LPP: variants seen among roughly 807,000 people sequenced by gnomAD.
The protein encoded by LPP is lipoma-preferred partner.
LPP carries 38 observed loss-of-function variants against 60.4 expected under a neutral mutation model. The observed-to-expected ratio is 0.63, with a 90% confidence interval of 0.49 to 0.83. The LOEUF (loss-of-function observed/expected upper bound fraction) is 0.83, where lower values mean the gene tolerates loss of function less well. Ranked by LOEUF, LPP falls within the 40% of genes least tolerant of loss-of-function variation. The pLI is 0.00. For synonymous variants in LPP, 328 were observed against 290.8 expected, an observed-to-expected ratio of 1.13 and a Z score of -1.30; for missense variants, 902 against 783.6, an observed-to-expected ratio of 1.15 and a Z score of -1.80.
chr3:188,213,975 C>CACACACAT (rs1457519469), intron 1 of LPP, among the ~76,000 whole-genome samples: 7 of 151,068 alleles, frequency 4.6e-5, no homozygotes, highest in Non-Finnish European at 1.0e-4. Flanking sequence ...CACACACACA[C>CACACACAT]ACACACACAC....
chr3:188,515,983 A>G (rs1579548149), intron 5 of LPP, among the ~76,000 whole-genome samples: 1 of 152,236 alleles, frequency 6.6e-6, no homozygotes, highest in Non-Finnish European at 1.5e-5. Context: ...TTTACACTGC[A>G]TACTACTTAG....
chr3:188,753,803 A>G (rs1729036620), intron 8 of LPP, among the ~76,000 whole-genome samples: 1 of 151,922 alleles, frequency 6.6e-6, no homozygotes, highest in Admixed American at 6.6e-5. Flanking sequence ...ATGTATTTGT[A>G]GAGGGAAAAA....
At chr3:188,393,106 A>G (rs544345107) in intron 3 of LPP, among the ~76,000 whole-genome samples, 30 of 151,890 alleles carry the variant, frequency 2.0e-4, no homozygotes, top group African/African-American at 7.0e-4. Flanking sequence ...TATATATTAT[A>G]AAATCACTGA....
chr3:188,462,079 T>A (rs142995472), intron 4 of LPP, among the ~76,000 whole-genome samples: 1 of 152,178 alleles, frequency 6.6e-6, no homozygotes, highest in South Asian at 2.1e-4. Flanking sequence ...GTGCTAATTT[T>A]ATGAGAATGG....
chr3:188,570,115 A>G (rs182731731), intron 6 of LPP, among the ~76,000 whole-genome samples: 223 of 151,648 alleles, frequency 1.5e-3, no homozygotes, highest in African/African-American at 5.1e-3. Context: ...TAACTTCTGC[A>G]TGCAATTAGT....
At chr3:188,482,212 G>A (rs1437473843) in intron 4 of LPP, among the ~76,000 whole-genome samples, 1 of 152,158 alleles carries the variant, frequency 6.6e-6, no homozygotes, top group East Asian at 1.9e-4. Context: ...CAAGGCTGCA[G>A]AACTGTGAGT....
chr3:188,329,125 A>T (rs766491184), intron 2 of LPP, among the ~76,000 whole-genome samples: 9 of 151,950 alleles, frequency 5.9e-5, no homozygotes, highest in Non-Finnish European at 1.2e-4. Context: ...GGTCTAAGGG[A>T]CTCCTACACA....
chr3:188,741,978 G>C (rs547609922), intron 8 of LPP, among the ~76,000 whole-genome samples: 2 of 152,116 alleles, frequency 1.3e-5, no homozygotes, highest in East Asian at 1.9e-4. Flanking sequence ...ACAGGCAACA[G>C]ATTTGAAAAT....
intron 7 of LPP, among the ~76,000 whole-genome samples, chr3:188,656,252 C>A (rs573542922): frequency 2.4e-4 from 36 of 151,540 alleles, no homozygotes; most frequent in Non-Finnish European, 4.7e-4. Flanking sequence ...TGTGCCCAGG[C>A]GCTCCCAGGT....
At chr3:188,176,176 C>G (rs1010584209) in intron 1 of LPP, among the ~76,000 whole-genome samples, 1 of 152,088 alleles carries the variant, frequency 6.6e-6, no homozygotes, top group South Asian at 2.1e-4. Context: ...TACTGGGCCC[C>G]GTCTCAGAGG....
At chr3:188,314,963 G>T (rs1754613169) in intron 2 of LPP, among the ~76,000 whole-genome samples, 1 of 152,158 alleles carries the variant, frequency 6.6e-6, no homozygotes, top group African/African-American at 2.4e-5. Flanking sequence ...TTGGAGTGAA[G>T]AACGGAGTGA....
intron 4 of LPP, among the ~76,000 whole-genome samples, chr3:188,483,057 G>A (rs908953192): frequency 6.6e-6 from 1 of 152,180 alleles, no homozygotes; most frequent in African/African-American, 2.4e-5. Flanking sequence ...AAGGGTTGTT[G>A]TATGATTCGG....
At chr3:188,831,694 A>G (rs922281014) in intron 9 of LPP, among the ~76,000 whole-genome samples, 2 of 152,240 alleles carry the variant, frequency 1.3e-5, no homozygotes, top group African/African-American at 4.8e-5. Flanking sequence ...TTTTGAAATT[A>G]TAATATTTTA....
chr3:188,729,647 T>C (rs1416501707), intron 8 of LPP, among the ~76,000 whole-genome samples: 2 of 152,156 alleles, frequency 1.3e-5, no homozygotes, highest in Non-Finnish European at 2.9e-5. Context: ...GTGTGTTTTG[T>C]GTGTGTTTAG....
chr3:188,249,887 AT>A lies in LPP; in HGVS notation c.-67+24361del, dbSNP rs1261943302. Among the ~76,000 whole-genome samples, 4 of 51,340 alleles carry A rather than the reference AT, an allele frequency of 7.8e-5. No homozygotes were observed. In the East Asian group the frequency reaches 1.5e-3, roughly 19 times the overall value. The allele number at this position is 51,340 out of a possible 152,430, so 33.7% of individuals were successfully genotyped here. ...ACACACACAGTCTCCCCCACCCCAT[AT>A]ATATATATATATATTTTTTTTTTTT... On this transcript the variant is annotated intron_variant, in intron 2 of 11. Coordinates refer to ENST00000617246, the MANE Select transcript of LPP (RefSeq NM_001375462.1).
rs533897678 is a variant in LPP at position 188,446,602 on chromosome 3, T to C, written c.194-37990T>C. Among the ~76,000 whole-genome samples, 4 of 152,352 alleles carry C rather than the reference T, an allele frequency of 2.6e-5. No individual in the cohort carries two copies. In the East Asian group the frequency reaches 5.8e-4, roughly 22 times the overall value. Reference sequence around the variant, plus strand: ...AACTCATTTCCCCAAATTTCCTTAATTTTTCACGGACTGATGAAAATGTTT... The same window carrying C: ...AACTCATTTCCCCAAATTTCCTTAACTTTTCACGGACTGATGAAAATGTTT... On this transcript the variant is annotated intron_variant, in intron 4 of 11. Transcript: ENST00000617246.
At chr3:188,519,933 T>C (rs1818409246) in intron 5 of LPP, among the ~76,000 whole-genome samples, 1 of 152,188 alleles carries the variant, frequency 6.6e-6, no homozygotes, top group South Asian at 2.1e-4. Flanking sequence ...AGTTAGTGGG[T>C]TAGTGATAGT....
Position 188,563,970 on chromosome 3 carries a change from T to A in LPP, c.429+39183T>A, listed in dbSNP as rs573692142. On this transcript the variant is annotated intron_variant, in intron 6 of 11. Transcript: ENST00000617246. ...ACAGGCACTCACCATGGAAGAAGAG[T>A]AGGGTATTCTTGTAACAGTCTTGTT... is the stretch of plus-strand genomic sequence containing the variant. 2.6e-5 allele frequency among the ~76,000 whole-genome samples: 4 copies of A among 151,800 alleles called. No individual in the cohort carries two copies. The East Asian group carries it at 7.8e-4, about 30-fold the overall frequency.
At chr3:188,480,230 G>C in intron 4 of LPP, among the ~76,000 whole-genome samples, 1 of 152,202 alleles carries the variant, frequency 6.6e-6, no homozygotes. Flanking sequence ...AAGTAAATTG[G>C]CAGTAAGTAG....
Sources: gnomAD v4.1 joint callset for allele counts (sites outside exome capture counted in the v4.1 genomes callset) on GRCh38, gnomAD v4.1.1 for gene constraint, MANE v1.5 for transcripts, NCBI Gene and HGNC (gene_info 2026-07-23, HGNC 2026-07-21) for gene names.